MYPN: variants seen among roughly 807,000 people sequenced by gnomAD.
MYPN encodes sarcomeric protein myopalladin, 145 kDa (MYOP).
Under a neutral mutation model 129.4 loss-of-function variants are expected in MYPN, and 63 were observed. The observed-to-expected ratio is 0.49, with a 90% confidence interval of 0.40 to 0.60. The LOEUF (loss-of-function observed/expected upper bound fraction) is 0.60. Among genes scored for constraint, MYPN ranks in the 20% least tolerant of loss-of-function variants. MYPN has a pLI of 0.00. For missense variants in MYPN, 1,596 were observed against 1,635.4 expected (o/e 0.98, Z 0.42); for synonymous variants, 629 against 600.9 (o/e 1.05, Z -0.68).
intron 19 of MYPN, among the ~76,000 whole-genome samples, chr10:68,209,140 G>A (rs948137267): frequency 6.6e-6 from 1 of 152,192 alleles, no homozygotes; most frequent in Non-Finnish European, 1.5e-5. Context: ...GAGCACGAGA[G>A]TTCCCCACCT....
intron 19 of MYPN, among the ~76,000 whole-genome samples, chr10:68,209,578 G>A (rs1393351807): frequency 6.7e-6 from 1 of 149,926 alleles, no homozygotes; most frequent in East Asian, 1.9e-4. Flanking sequence ...TCTGTACACT[G>A]CCCCTAACAG....
chr10:68,179,832 T>C (rs533273464), intron 12 of MYPN, among the ~76,000 whole-genome samples: 58 of 152,280 alleles, frequency 3.8e-4, no homozygotes, highest in African/African-American at 1.3e-3. Flanking sequence ...CCCTGCTTAT[T>C]TGTAGTTTTT....
At chr10:68,163,285 A>G (rs1485491349) in intron 8 of MYPN, among the ~76,000 whole-genome samples, 1 of 151,914 alleles carries the variant, frequency 6.6e-6, no homozygotes, top group Non-Finnish European at 1.5e-5. Flanking sequence ...ACAGAGCAAG[A>G]CCTTGTCTCA....
chr10:68,211,191 T>A lies in MYPN; in HGVS notation c.*736T>A, dbSNP rs1327265843. On this transcript the variant is annotated 3_prime_UTR_variant, in exon 20 of 20. Transcript: ENST00000358913. The stretch of plus-strand genomic sequence containing the variant: ...GTGACTGTTTTTTTCTGACTTTGCA[T>A]ATCCCTAGACACTAGAACTAAAGGA... 4.4e-6 allele frequency: 2 copies of A among 454,132 alleles called. No homozygotes were observed. The highest frequency in any genetic ancestry group is 1.4e-4 in the East Asian group (2 of 14,396). The allele number at this position is 454,132 out of a possible 1,614,324, so 28.1% of individuals were successfully genotyped here. A position where few individuals can be genotyped will look rare whatever the true frequency, so the allele number is the denominator to read the frequency against.
intron 8 of MYPN, among the ~76,000 whole-genome samples, chr10:68,163,677 C>T (rs549227702): frequency 6.6e-6 from 1 of 152,132 alleles, no homozygotes; most frequent in South Asian, 2.1e-4. Context: ...TCTATAGCAA[C>T]AATGGGGATG....
intron 1 of MYPN, among the ~76,000 whole-genome samples, chr10:68,091,399 T>C: frequency 6.8e-6 from 1 of 148,108 alleles, no homozygotes; most frequent in East Asian, 2.0e-4. Context: ...AGCCCTTTTT[T>C]TTTTTTTTTT....
chr10:68,123,683 C>CAGTAAATA (rs1254989039), intron 2 of MYPN, among the ~76,000 whole-genome samples: 4 of 139,626 alleles, frequency 2.9e-5, no homozygotes, highest in Non-Finnish European at 4.6e-5. Flanking sequence ...GAGACTCCTT[C>CAGTAAATA]AATAAATAAA....
intron 17 of MYPN, among the ~76,000 whole-genome samples, chr10:68,200,990 A>G (rs1485245922): frequency 6.6e-6 from 1 of 152,166 alleles, no homozygotes; most frequent in Non-Finnish European, 1.5e-5. Flanking sequence ...AGGTACCTTT[A>G]CCTAAATTTG....
intron 1 of MYPN, among the ~76,000 whole-genome samples, chr10:68,099,510 C>T (rs542071483): frequency 6.6e-5 from 10 of 152,098 alleles, no homozygotes; most frequent in Non-Finnish European, 1.5e-4. Context: ...TGCCACGCGC[C>T]TGTCATCCCA....
chr10:68,135,471 T>G, intron 2 of MYPN: 1 of 983,606 alleles, frequency 1.0e-6, no homozygotes, highest in Non-Finnish European at 1.2e-6. Flanking sequence ...GCACTCTGTA[T>G]ATGAAGAAGA....
chr10:68,091,519 C>T (rs1031260440), intron 1 of MYPN, among the ~76,000 whole-genome samples: 3 of 150,292 alleles, frequency 2.0e-5, no homozygotes, highest in Non-Finnish European at 2.9e-5. Context: ...CTCAGCCTCT[C>T]GATTAGCTAG....
chr10:68,192,122 G>T (rs557349331), intron 13 of MYPN, among the ~76,000 whole-genome samples: 1 of 152,138 alleles, frequency 6.6e-6, no homozygotes, highest in East Asian at 1.9e-4. Context: ...TGTTCAGTAC[G>T]ATATTAGCTG....
intron 1 of MYPN, among the ~76,000 whole-genome samples, chr10:68,119,522 T>A (rs2133987791): frequency 6.6e-6 from 1 of 152,182 alleles, no homozygotes; most frequent in East Asian, 1.9e-4. Flanking sequence ...GTAATTATCC[T>A]GTCTCAGCCT....
intron 19 of MYPN, among the ~76,000 whole-genome samples, chr10:68,209,399 G>A (rs1040752901): frequency 6.6e-6 from 1 of 152,206 alleles, no homozygotes. Context: ...TCTTCTTGCT[G>A]TAACAATAGA....
intron 2 of MYPN, among the ~76,000 whole-genome samples, chr10:68,122,912 T>TA (rs1554839527): frequency 6.6e-6 from 1 of 151,608 alleles, no homozygotes; most frequent in African/African-American, 2.4e-5. Context: ...CAAAAATAAA[T>TA]AAATAAAATA....
chr10:68,102,513 T>G (rs1327555008), upstream of MYPN, among the ~76,000 whole-genome samples: 1 of 152,226 alleles, frequency 6.6e-6, no homozygotes, highest in African/African-American at 2.4e-5. Flanking sequence ...GAGACCTATG[T>G]GAGAGAGTAC....
chr10:68,150,625 T>G (rs1178055372), intron 6 of MYPN, among the ~76,000 whole-genome samples: 1 of 152,106 alleles, frequency 6.6e-6, no homozygotes, highest in East Asian at 1.9e-4. Flanking sequence ...ACTAGAAAAT[T>G]TAGTCAAGCA....
intron 8 of MYPN, 69 bp downstream of exon 8, chr10:68,161,821 A>C (rs779377956): frequency 6.7e-6 from 8 of 1,190,774 alleles, no homozygotes; most frequent in Non-Finnish European, 9.8e-6. Flanking sequence ...TACATAATGA[A>C]GTTACACTGA....
intron 10 of MYPN, among the ~76,000 whole-genome samples, chr10:68,170,913 C>G (rs1415374147): frequency 1.3e-5 from 2 of 152,108 alleles, no homozygotes; most frequent in Admixed American, 6.5e-5. Context: ...CTTTAGGAGG[C>G]CAAGGCAGGT....
Sources: gnomAD v4.1 joint callset for allele counts (sites outside exome capture counted in the v4.1 genomes callset) on GRCh38, gnomAD v4.1.1 for gene constraint, MANE v1.5 for transcripts, NCBI Gene and HGNC (gene_info 2026-07-23, HGNC 2026-07-21) for gene names.